The following MDFIC variants were observed in gnomAD, a reference collection of about 807,000 sequenced individuals.
MDFIC encodes the protein myoD family inhibitor domain-containing protein.
In MDFIC, 17 loss-of-function variants were observed where a neutral mutation model predicts 23.2. The observed-to-expected ratio is 0.73, with a 90% CI of 0.50 to 1.10. The LOEUF is 1.10. Ranked by LOEUF, MDFIC falls within the 50% of genes least tolerant of loss-of-function variation. The pLI, the probability that MDFIC is intolerant of heterozygous loss-of-function variation, is 0.00. For missense variants in MDFIC, 356 were observed against 316.6 expected (o/e 1.12, Z -0.95); for synonymous variants, 120 against 115.2 (o/e 1.04, Z -0.27).
intron 2 of MDFIC, chr7:114,923,555 G>A (rs1792134452): frequency 3.3e-6 from 5 of 1,534,344 alleles, no homozygotes; most frequent in South Asian, 2.4e-5. Flanking sequence ...TCTACCACCC[G>A]GTTGATAATT....
intron 4 of MDFIC, chr7:115,014,473 CT>C: frequency 7.8e-7 from 1 of 1,289,794 alleles, no homozygotes; most frequent in Non-Finnish European, 1.0e-6. Context: ...TTTGCTGACA[CT>C]CCATCGAAGG....
rs923855714 is a variant in MDFIC at position 115,017,377 on chromosome 7, G to A, written c.*1442G>A. On this transcript the variant is annotated 3_prime_UTR_variant, in exon 5 of 5. Coordinates refer to ENST00000393486, the MANE Select transcript of MDFIC (RefSeq NM_001166345.3). ...TTTAATATTAAAATCCCAGTGTTCT[G>A]AGTTATTGAAAGGCTTTCTTTTATT... is the stretch of plus-strand genomic sequence containing the variant. The A allele has an allele frequency of 2.0e-5, 3 of 151,998 alleles. No homozygotes were observed. The highest frequency in any genetic ancestry group is 2.9e-5 in the Non-Finnish European group (2 of 67,938). 9.4% of individuals were successfully genotyped at this position (151,998 alleles called of 1,614,324 possible).
intron 2 of MDFIC, among the ~76,000 whole-genome samples, chr7:114,938,132 A>G (rs1337689355): frequency 6.6e-6 from 1 of 151,436 alleles, no homozygotes; most frequent in African/African-American, 2.4e-5. Context: ...AATTTTTTGT[A>G]TTTACTAGAG....
chr7:114,981,728 GT>G (rs1793420889), intron 4 of MDFIC, among the ~76,000 whole-genome samples: 1 of 152,148 alleles, frequency 6.6e-6, no homozygotes, highest in South Asian at 2.1e-4. Flanking sequence ...ACAATTGTAG[GT>G]TTGTTTTATT....
At chr7:114,950,052 G>T (rs780399302) in intron 3 of MDFIC, among the ~76,000 whole-genome samples, 17 of 152,162 alleles carry the variant, frequency 1.1e-4, no homozygotes, top group Non-Finnish European at 2.4e-4. Context: ...AAGACTAAGG[G>T]AAGATAGAAA....
At chr7:114,922,690 G>A in intron 1 of MDFIC, 54 bp downstream of exon 1, 3 of 1,346,716 alleles carry the variant, frequency 2.2e-6, no homozygotes, top group Non-Finnish European at 2.9e-6. Flanking sequence ...CCATCCCCGG[G>A]GTTCTCCCAA....
rs1243307260 is a variant in MDFIC, at chr7:114,922,412, G to T, written c.-332G>T. The T allele has an allele frequency of 6.5e-6, 8 of 1,238,988 alleles. No individual in the cohort carries two copies. In the African/African-American group the frequency reaches 7.8e-5, roughly 12 times the overall value. The allele number at this position is 1,238,988 out of a possible 1,614,324, so 76.7% of individuals were successfully genotyped here. A position where few individuals can be genotyped will look rare whatever the true frequency, so the allele number is the denominator to read the frequency against. Reference sequence around the variant, plus strand: ...GGAGTGAGCTGGCTGGAAAGAGGGGGCGGAGTGCGCGGAGTCAGAGCCGCC... The same window carrying T: ...GGAGTGAGCTGGCTGGAAAGAGGGGTCGGAGTGCGCGGAGTCAGAGCCGCC... On this transcript the variant is annotated 5_prime_UTR_variant, in exon 1 of 5. Transcript: ENST00000393486.
At chr7:114,975,905 C>A (rs2115940601) in intron 3 of MDFIC, among the ~76,000 whole-genome samples, 1 of 152,104 alleles carries the variant, frequency 6.6e-6, no homozygotes, top group African/African-American at 2.4e-5. Context: ...ACTTGGTTAT[C>A]TGATCATAAT....
intron 3 of MDFIC, among the ~76,000 whole-genome samples, chr7:114,946,790 G>C (rs1316889864): frequency 6.6e-6 from 1 of 152,094 alleles, no homozygotes; most frequent in Non-Finnish European, 1.5e-5. Flanking sequence ...CTTGCTGCTT[G>C]AAACCTTTCT....
At chr7:114,963,341 C>T (rs1793030770) in intron 3 of MDFIC, among the ~76,000 whole-genome samples, 1 of 152,162 alleles carries the variant, frequency 6.6e-6, no homozygotes, top group African/African-American at 2.4e-5. Context: ...TATCTAGCCA[C>T]ACTGGCTTTC....
chr7:114,931,104 C>T (rs1403915252), intron 2 of MDFIC, among the ~76,000 whole-genome samples: 1 of 152,124 alleles, frequency 6.6e-6, no homozygotes, highest in East Asian at 1.9e-4. Context: ...TCCAGTAACA[C>T]TTTATTGAAG....
At chr7:114,993,685 C>A in intron 4 of MDFIC, among the ~76,000 whole-genome samples, 1 of 152,100 alleles carries the variant, frequency 6.6e-6, no homozygotes, top group East Asian at 1.9e-4. Context: ...ATCCTGAGTT[C>A]TAGTTTGATT....
At position 115,017,596 on chromosome 7, in the gene MDFIC, A is replaced by G. The variant is rs1791819492; in HGVS notation, c.*1661A>G. 1 of 152,280 alleles carries G rather than the reference A, an allele frequency of 6.6e-6. No homozygotes were observed. The highest frequency in any genetic ancestry group is 1.5e-5 in the Non-Finnish European group (1 of 67,886). 9.4% of individuals were successfully genotyped at this position (152,280 alleles called of 1,614,324 possible). ...AAATTAAACTAATATGGCAGGTTAT[A>G]ATGATCCTTAAGTGTAAAGAAATCA... On this transcript the variant is annotated 3_prime_UTR_variant, in exon 5 of 5. Coordinates refer to ENST00000393486, the MANE Select transcript of MDFIC (RefSeq NM_001166345.3).
Position 114,980,296 on chromosome 7 carries a change from C to T in MDFIC, c.493+515C>T, listed in dbSNP as rs978282285. On this transcript the variant is annotated intron_variant, in intron 4 of 4. Transcript: ENST00000393486. ...GCTTGACTGACCAGCATCTTCCAGC[C>T]GCCACGTTGGCCAGCACCTGCAACC... Among the ~76,000 whole-genome samples, 7 of 152,242 alleles carry T rather than the reference C, an allele frequency of 4.6e-5. 1 individual carries two copies. The South Asian group carries it at 6.2e-4, about 14-fold the overall frequency.
chr7:115,007,613 C>G (rs529434811), intron 4 of MDFIC, among the ~76,000 whole-genome samples: 2 of 135,174 alleles, frequency 1.5e-5, no homozygotes, highest in East Asian at 4.1e-4. Flanking sequence ...ATCTATCTAT[C>G]TAGTGTGCGT....
chr7:114,932,547 T>G (rs1160025918), intron 2 of MDFIC, among the ~76,000 whole-genome samples: 1 of 152,238 alleles, frequency 6.6e-6, no homozygotes, highest in East Asian at 1.9e-4. Context: ...TATATTTATG[T>G]AGAGTTAAAA....
At position 114,948,205 on chromosome 7, in the gene MDFIC, A is replaced by G. The variant is rs561674040; in HGVS notation, c.217+5808A>G. ...CCTGAGATGAAGGTTCTAAATCACT[A>G]CAGTATTCCATTTATTCTTCTAACT... is the stretch of plus-strand genomic sequence containing the variant. On this transcript the variant is annotated intron_variant, in intron 3 of 4. Transcript: ENST00000393486. 2.1e-3 allele frequency among the ~76,000 whole-genome samples: 188 copies of G among 88,064 alleles called. 2 individuals carry two copies. The highest frequency in any genetic ancestry group is 7.0e-3 in the African/African-American group (180 of 25,780). The allele number at this position is 88,064 out of a possible 152,430, so 57.8% of individuals were successfully genotyped here. A position where few individuals can be genotyped will look rare whatever the true frequency, so the allele number is the denominator to read the frequency against.
chr7:114,941,390 C>G (rs1440763579), intron 2 of MDFIC, among the ~76,000 whole-genome samples: 1 of 152,206 alleles, frequency 6.6e-6, no homozygotes, highest in Admixed American at 6.5e-5. Context: ...ATTTGCCACT[C>G]ATAGTACTTC....
chr7:115,003,717 G>C (rs941899963), intron 4 of MDFIC, among the ~76,000 whole-genome samples: 30 of 152,200 alleles, frequency 2.0e-4, no homozygotes, highest in Middle Eastern at 3.4e-3. Context: ...CTGTGTCTTT[G>C]CATAACTTCC....
Sources: gnomAD v4.1 joint callset for allele counts (sites outside exome capture counted in the v4.1 genomes callset) on GRCh38, gnomAD v4.1.1 for gene constraint, MANE v1.5 for transcripts, NCBI Gene and HGNC (gene_info 2026-07-23, HGNC 2026-07-21) for gene names.